Variants in BDH1 observed in about 807,000 individuals in gnomAD.
The protein encoded by BDH1 is 3-hydroxybutyrate dehydrogenase 1, also known as D-beta-hydroxybutyrate dehydrogenase, mitochondrial.
Under a neutral mutation model 33.1 loss-of-function variants are expected in BDH1, and 30 were observed. That is an observed-to-expected ratio of 0.91 (90% CI 0.68 to 1.23). The LOEUF (loss-of-function observed/expected upper bound fraction) is 1.23, where lower values mean the gene tolerates loss of function less well. Ranked by LOEUF, BDH1 falls within the 50% of genes most tolerant of loss-of-function variation. BDH1 has a pLI of 0.00. For missense variants in BDH1, 443 were observed against 464.4 expected, an observed-to-expected ratio of 0.95 and a Z score of 0.42; for synonymous variants, 190 against 183.6, an observed-to-expected ratio of 1.03 and a Z score of -0.28.
rs1180956353 is a variant in BDH1, at chr3:197,514,760, C to T, written c.410-344G>A. ...CCACTCCACTCCACCCCATCCCATCCCCACACCCTGAGTTTGAGTTTCACG... is the reference window on the plus strand; with the variant it reads ...CCACTCCACTCCACCCCATCCCATCTCCACACCCTGAGTTTGAGTTTCACG... On this transcript the variant is annotated intron_variant, in intron 6 of 7. Transcript: ENST00000392379. This position sits in a 1 kb window ranked among gnomAD's most constrained non-coding sequence, Gnocchi z 4.2. Among the ~76,000 whole-genome samples the T allele has an allele frequency of 1.3e-5, 2 of 152,196 alleles. No individual in the cohort carries two copies. The highest frequency in any genetic ancestry group is 2.9e-5 in the Non-Finnish European group (2 of 68,032).
upstream of BDH1, among the ~76,000 whole-genome samples, chr3:197,556,422 C>T (rs2108770184): frequency 6.6e-6 from 1 of 152,256 alleles, no homozygotes; most frequent in Non-Finnish European, 1.5e-5. Context: ...AATTCCAGCA[C>T]TTTGGGAGGC....
At position 197,514,057 on chromosome 3, in the gene BDH1, C is replaced by T. The variant is rs1297912519; in HGVS notation, c.562+207G>A. The T allele has an allele frequency of 4.4e-5, 27 of 607,076 alleles. No homozygotes were observed. Among genetic ancestry groups the T allele is most frequent in the Non-Finnish European group, 6.6e-5 (24 of 362,814 alleles). The allele number at this position is 607,076 out of a possible 1,614,324, so 37.6% of individuals were successfully genotyped here. A position where few individuals can be genotyped will look rare whatever the true frequency, so the allele number is the denominator to read the frequency against. ...CTTTTGCTGCATGGACCACTGACCT[C>T]TTACCTGCTCTGCTTCCTCCTCCCC... On this transcript the variant is annotated intron_variant, in intron 7 of 7. Transcript: ENST00000392379. This position sits in a 1 kb window ranked among gnomAD's most constrained non-coding sequence, Gnocchi z 4.2.
chr3:197,554,956 G>A lies in BDH1; in HGVS notation c.-195-243C>T, dbSNP rs1285930867. Among the ~76,000 whole-genome samples the A allele has an allele frequency of 6.6e-6, 1 of 152,358 alleles. No individual in the cohort carries two copies. The highest frequency in any genetic ancestry group is 2.1e-4 in the South Asian group (1 of 4,832). Reference sequence around the variant, plus strand: ...CAATCCCAGAGCAGCGCTCCCCAACGGCCGGCCGGAGGGCGGGGAGAGAGG... The same window carrying A: ...CAATCCCAGAGCAGCGCTCCCCAACAGCCGGCCGGAGGGCGGGGAGAGAGG... On this transcript the variant is annotated intron_variant, in intron 1 of 7. Transcript: ENST00000392379. The surrounding 1 kb of genome is among the most constrained non-coding windows in gnomAD (Gnocchi z 4.4).
intron 3 of BDH1, among the ~76,000 whole-genome samples, chr3:197,539,555 A>G (rs1715424541): frequency 6.6e-6 from 1 of 152,232 alleles, no homozygotes; most frequent in African/African-American, 2.4e-5. Context: ...ATTACAAATT[A>G]TAAACCATAA....
chr3:197,564,320 A>T (rs113982911), intron 1 of BDH1, among the ~76,000 whole-genome samples: 130 of 150,210 alleles, frequency 8.7e-4, no homozygotes, highest in Admixed American at 2.2e-3. Flanking sequence ...GATTTATTTT[A>T]AAAAAACCTA....
At chr3:197,572,047 G>C (rs6583230) in intron 1 of BDH1, among the ~76,000 whole-genome samples, 25,769 of 152,142 alleles carry the variant, frequency 0.17, 2,661 homozygotes, top group African/African-American at 0.28. Flanking sequence ...CTATACAAAG[G>C]CTTGAATGTA....
upstream of BDH1, among the ~76,000 whole-genome samples, chr3:197,558,654 C>G (rs530584416): frequency 2.0e-5 from 3 of 152,304 alleles, no homozygotes; most frequent in Admixed American, 6.5e-5. Context: ...GGGAACTCTC[C>G]CTAGCCAAGG....
chr3:197,553,793 T>A (rs1002719921), intron 2 of BDH1, among the ~76,000 whole-genome samples: 2 of 152,186 alleles, frequency 1.3e-5, no homozygotes, highest in Admixed American at 6.5e-5. Context: ...CTGATTAGAA[T>A]TGGTAAGTCT....
chr3:197,524,601 G>C (rs1270190387), intron 5 of BDH1, among the ~76,000 whole-genome samples: 3 of 152,208 alleles, frequency 2.0e-5, no homozygotes, highest in African/African-American at 7.2e-5. Flanking sequence ...TGCAGCCACA[G>C]AGAACAGAGC....
chr3:197,536,756 T>C (rs1245653552), intron 3 of BDH1, among the ~76,000 whole-genome samples: 1 of 152,044 alleles, frequency 6.6e-6, no homozygotes, highest in Non-Finnish European at 1.5e-5. Context: ...GGCAGAAGAA[T>C]CACTTGAACC....
intron 1 of BDH1, among the ~76,000 whole-genome samples, chr3:197,564,102 A>G (rs1717353156): frequency 6.6e-6 from 1 of 151,286 alleles, no homozygotes; most frequent in Admixed American, 6.6e-5. Context: ...TTCATCTAAA[A>G]AAAAAAAAAA....
upstream of BDH1, among the ~76,000 whole-genome samples, chr3:197,558,769 C>CT (rs2108771820): frequency 6.6e-6 from 1 of 152,276 alleles, no homozygotes; most frequent in East Asian, 1.9e-4. Context: ...GCTTGGAGAG[C>CT]TTAGGATGTG....
In BDH1 at chr3:197,526,046, A is replaced by C. The variant is rs539760613; in HGVS notation, c.268-3265T>G. On this transcript the variant is annotated intron_variant, in intron 5 of 7. Transcript: ENST00000392379. This position sits in a 1 kb window ranked among gnomAD's most constrained non-coding sequence, Gnocchi z 4.7. Reference sequence around the variant, plus strand: ...CTTCTTTATCTTACTGTCCCTTTCAACCTCACCTGTAAGCTATTTTTTCCA... The same window carrying C: ...CTTCTTTATCTTACTGTCCCTTTCACCCTCACCTGTAAGCTATTTTTTCCA... 6.6e-6 allele frequency among the ~76,000 whole-genome samples: 1 copy of C among 152,174 alleles called. No individual in the cohort carries two copies. The highest frequency in any genetic ancestry group is 6.5e-5 in the Admixed American group (1 of 15,286).
At position 197,533,541 on chromosome 3, in the gene BDH1, G is replaced by A. The variant is rs1714891602; in HGVS notation, c.104C>T (p.Ser35Phe). The A allele has an allele frequency of 6.2e-7, 1 of 1,614,130 alleles. No homozygotes were observed. Among genetic ancestry groups the A allele is most frequent in the African/African-American group, 1.3e-5 (1 of 74,950 alleles). ...NGARRPLLLG[S>F]TSFIPIGRRT... ...ACGGCCAATCGGGATAAAGGAAGTAGAACCAAGCAATAGTGGGCGTCTGCA... is the reference window on the plus strand; with the variant it reads ...ACGGCCAATCGGGATAAAGGAAGTAAAACCAAGCAATAGTGGGCGTCTGCA... The change falls in exon 4 of 8, where the codon TCT becomes TTT. Residue 35 changes from serine to phenylalanine, a missense_variant. Coordinates refer to ENST00000392379, the MANE Select transcript of BDH1 (RefSeq NM_203314.3).
At chr3:197,519,000 C>A (rs1349897504) in intron 6 of BDH1, among the ~76,000 whole-genome samples, 3 of 79,436 alleles carry the variant, frequency 3.8e-5, no homozygotes, top group Admixed American at 1.2e-4. Context: ...CAGGCCGACC[C>A]CCCAATCAGT....
In BDH1 at chr3:197,522,372, T is replaced by C. The variant is rs114477715; in HGVS notation, c.409+268A>G. Among the ~76,000 whole-genome samples the C allele has an allele frequency of 5.3e-3, 813 of 152,306 alleles. 2 individuals carry two copies. Among genetic ancestry groups the C allele is most frequent in the Middle Eastern group, 0.01 (3 of 294 alleles). On this transcript the variant is annotated intron_variant, in intron 6 of 7. Coordinates refer to ENST00000392379, the MANE Select transcript of BDH1 (RefSeq NM_203314.3). This position sits in a 1 kb window ranked among gnomAD's most constrained non-coding sequence, Gnocchi z 4.8. Reference sequence around the variant, plus strand: ...GCTCCTGGGCCAGAGGGGGCATCAATGGGCATTGGCTGAACTGACCTGAAT... The same window carrying C: ...GCTCCTGGGCCAGAGGGGGCATCAACGGGCATTGGCTGAACTGACCTGAAT...
rs554333722 is a variant in BDH1 at position 197,525,674 on chromosome 3, G to A, written c.268-2893C>T. On this transcript the variant is annotated intron_variant, in intron 5 of 7. Transcript: ENST00000392379. This position sits in a 1 kb window ranked among gnomAD's most constrained non-coding sequence, Gnocchi z 4.9. ...TCCACACCCTGCTCCTGACAACCAC[G>A]CCAATAGGGACAGAAACTACCAATT... is the stretch of plus-strand genomic sequence containing the variant. 3.3e-5 allele frequency among the ~76,000 whole-genome samples: 5 copies of A among 152,248 alleles called. No individual in the cohort carries two copies. In the East Asian group the frequency reaches 5.8e-4, roughly 18 times the overall value.
intron 1 of BDH1, among the ~76,000 whole-genome samples, chr3:197,561,893 C>T (rs1354682035): frequency 1.3e-5 from 2 of 152,164 alleles, no homozygotes; most frequent in Non-Finnish European, 2.9e-5. Context: ...ACCTCCTTCC[C>T]CCTTTGCCAT....
Position 197,554,922 on chromosome 3 carries a change from C to G in BDH1, c.-195-209G>C, listed in dbSNP as rs867170526. Among the ~76,000 whole-genome samples, 4 of 152,360 alleles carry G rather than the reference C, an allele frequency of 2.6e-5. No individual in the cohort carries two copies. Among genetic ancestry groups the G allele is most frequent in the African/African-American group, 9.6e-5 (4 of 41,590 alleles). ...CAGAGCGCGAGAACGCCCGAGACGG[C>G]GGCGCAGCCAATCCCAGAGCAGCGC... is the stretch of plus-strand genomic sequence containing the variant. On this transcript the variant is annotated intron_variant, in intron 1 of 7. Coordinates refer to ENST00000392379, the MANE Select transcript of BDH1 (RefSeq NM_203314.3). This position sits in a 1 kb window ranked among gnomAD's most constrained non-coding sequence, Gnocchi z 4.4.
Sources: gnomAD v4.1 joint callset for allele counts (sites outside exome capture counted in the v4.1 genomes callset) on GRCh38, gnomAD v4.1.1 for gene constraint, Gnocchi (gnomAD v3.1) non-coding constraint, MANE v1.5 for transcripts, NCBI Gene and HGNC (gene_info 2026-07-23, HGNC 2026-07-21) for gene names.